The following GRIA1 variants were observed in gnomAD, a reference collection of about 807,000 sequenced individuals.
GRIA1 encodes glutamate ionotropic receptor AMPA type subunit 1.
A neutral mutation model predicts 99.2 loss-of-function variants in GRIA1; 31 were observed. The ratio of observed to expected loss-of-function variants is 0.31; its 90% CI spans 0.23 to 0.42. The LOEUF is 0.42. GRIA1 is among the 10% of genes least tolerant of loss of function. The pLI, the probability that GRIA1 is intolerant of heterozygous loss-of-function variation, is 1.00. For synonymous variants in GRIA1, 438 were observed against 432.4 expected, an observed-to-expected ratio of 1.01 and a Z score of -0.16; for missense variants, 782 against 1,157.5, an observed-to-expected ratio of 0.68 and a Z score of 4.71.
intron 5 of GRIA1, 73 bp from the exon 6 acceptor site, chr5:153,674,427 G>T (rs558711557): frequency 3.3e-6 from 5 of 1,535,660 alleles, no homozygotes; most frequent in Non-Finnish European, 4.5e-6. Context: ...GGAAAATCCT[G>T]TGGTTTTGGA....
intron 5 of GRIA1, among the ~76,000 whole-genome samples, chr5:153,667,482 C>G (rs1755830795): frequency 6.6e-6 from 1 of 152,220 alleles, no homozygotes. Flanking sequence ...TGAAGCAGTT[C>G]TAACACCTAA....
At chr5:153,786,779 G>A (rs1345886306) in intron 13 of GRIA1, among the ~76,000 whole-genome samples, 1 of 152,194 alleles carries the variant, frequency 6.6e-6, no homozygotes, top group African/African-American at 2.4e-5. Flanking sequence ...GGGGAGCATT[G>A]CAGAGCAACC....
chr5:153,734,120 C>G (rs1046703839), intron 11 of GRIA1, among the ~76,000 whole-genome samples: 3 of 152,168 alleles, frequency 2.0e-5, no homozygotes, highest in Non-Finnish European at 2.9e-5. Context: ...CCCTTCTCTG[C>G]CCCATTTTCC....
intron 11 of GRIA1, among the ~76,000 whole-genome samples, chr5:153,752,147 G>T (rs888052260): frequency 6.6e-6 from 1 of 152,090 alleles, no homozygotes; most frequent in Non-Finnish European, 1.5e-5. Context: ...AATGATAGTG[G>T]TTTAATGGGA....
At chr5:153,504,578 C>T (rs1015765941) in intron 2 of GRIA1, among the ~76,000 whole-genome samples, 1 of 152,082 alleles carries the variant, frequency 6.6e-6, no homozygotes. Context: ...GAGACAAGCA[C>T]ATACAAGGGA....
At chr5:153,701,593 C>G (rs1238976651) in intron 10 of GRIA1, among the ~76,000 whole-genome samples, 1 of 108,794 alleles carries the variant, frequency 9.2e-6, no homozygotes. Flanking sequence ...TGTACTCCAG[C>G]CTGGGCGACA....
upstream of GRIA1, chr5:153,489,857 A>G (rs1191129932): frequency 2.2e-6 from 1 of 456,488 alleles, no homozygotes; most frequent in African/African-American, 2.0e-5. Context: ...CTTAGTCTTT[A>G]TTGTACACCC....
chr5:153,497,865 A>G (rs1466094980), intron 2 of GRIA1, among the ~76,000 whole-genome samples: 1 of 152,176 alleles, frequency 6.6e-6, no homozygotes, highest in Non-Finnish European at 1.5e-5. Flanking sequence ...TCTATCCTGT[A>G]AAGAGAAAAT....
At chr5:153,674,700 G>A (rs542240173) in intron 6 of GRIA1, 39 bp downstream of exon 6, 3 of 1,600,202 alleles carry the variant, frequency 1.9e-6, no homozygotes, top group Middle Eastern at 1.8e-4. Flanking sequence ...GGCCAGCCTG[G>A]TCCCTTTGCC....
intron 2 of GRIA1, among the ~76,000 whole-genome samples, chr5:153,523,375 G>A (rs1311385582): frequency 1.3e-5 from 2 of 152,034 alleles, no homozygotes; most frequent in Admixed American, 6.6e-5. Context: ...TCATTATGCA[G>A]TTTACCACTT....
At chr5:153,594,477 TG>T (rs1764251418) in intron 2 of GRIA1, among the ~76,000 whole-genome samples, 1 of 152,194 alleles carries the variant, frequency 6.6e-6, no homozygotes, top group African/African-American at 2.4e-5. Flanking sequence ...AGTTCTTTTT[TG>T]CTTTTTGATT....
intron 11 of GRIA1, among the ~76,000 whole-genome samples, chr5:153,729,998 C>G (rs578195481): frequency 6.6e-6 from 1 of 152,058 alleles, no homozygotes; most frequent in Non-Finnish European, 1.5e-5. Flanking sequence ...ATTAAATAAT[C>G]GAACATTTAA....
intron 11 of GRIA1, among the ~76,000 whole-genome samples, chr5:153,750,468 G>A (rs144646048): frequency 2.6e-5 from 4 of 152,238 alleles, no homozygotes; most frequent in East Asian, 1.9e-4. Context: ...ATGACACGAC[G>A]TGTTTTTGAA....
At chr5:153,619,385 A>G (rs1214773028) in intron 2 of GRIA1, among the ~76,000 whole-genome samples, 1 of 152,162 alleles carries the variant, frequency 6.6e-6, no homozygotes, top group Non-Finnish European at 1.5e-5. Flanking sequence ...CGAAGATCTT[A>G]CTCATTTTAG....
At position 153,769,104 on chromosome 5, in the gene GRIA1, G is replaced by A. The variant is rs1467161729; in HGVS notation, c.2023-1064G>A. ...TACTTGAGACCTACATACAAGGAGA[G>A]ATGACTTGCAATCTTTGCAGTCTAG... On this transcript the variant is annotated intron_variant, in intron 12 of 15. Coordinates refer to ENST00000285900, the MANE Select transcript of GRIA1 (RefSeq NM_000827.4). Among the ~76,000 whole-genome samples, 4 of 152,262 alleles carry A rather than the reference G, an allele frequency of 2.6e-5. No homozygotes were observed. The East Asian group carries it at 5.8e-4, about 22-fold the overall frequency.
intron 11 of GRIA1, among the ~76,000 whole-genome samples, chr5:153,758,798 ATATATCACATAGAAAACGAG>A (rs1006165197): frequency 5.3e-5 from 8 of 152,014 alleles, no homozygotes; most frequent in Admixed American, 5.2e-4. Context: ...AGTCTACAGC[ATATATCACATAGAAAACGAG>A]TATATCACAT....
At chr5:153,609,555 C>CTTTTTTT (rs3036982) in intron 2 of GRIA1, among the ~76,000 whole-genome samples, 5 of 84,362 alleles carry the variant, frequency 5.9e-5, no homozygotes, top group African/African-American at 1.1e-4. Context: ...AGACTCTTTT[C>CTTTTTTT]TTTTTTTTTT....
intron 5 of GRIA1, among the ~76,000 whole-genome samples, chr5:153,657,789 G>T (rs184694175): frequency 6.6e-6 from 1 of 152,304 alleles, no homozygotes; most frequent in Non-Finnish European, 1.5e-5. Context: ...GCTTAGAGAA[G>T]TAGGTTAATT....
intron 10 of GRIA1, among the ~76,000 whole-genome samples, chr5:153,703,100 C>A (rs1483863857): frequency 6.6e-6 from 1 of 152,170 alleles, no homozygotes; most frequent in East Asian, 1.9e-4. Flanking sequence ...ATTAACCAAG[C>A]TAAAATACTA....
Sources: allele counts gnomAD v4.1 joint callset (sites outside exome capture counted in the v4.1 genomes callset), GRCh38; gene constraint gnomAD v4.1.1; transcripts MANE v1.5; gene names NCBI Gene and HGNC (gene_info 2026-07-23, HGNC 2026-07-21).